The following DYNC1I1 variants were observed in gnomAD, a reference collection of about 807,000 sequenced individuals.
DYNC1I1 encodes dynein cytoplasmic 1 intermediate chain 1.
DYNC1I1 carries 43 observed loss-of-function variants against 86.6 expected under a neutral mutation model. The observed-to-expected ratio is 0.50, with a 90% CI of 0.39 to 0.64. DYNC1I1 has a LOEUF of 0.64. DYNC1I1 is among the 30% of genes least tolerant of loss of function. The pLI is 0.00. For missense variants in DYNC1I1, 604 were observed against 788.8 expected, an observed-to-expected ratio of 0.77 and a Z score of 2.81; for synonymous variants, 262 against 283.7, an observed-to-expected ratio of 0.92 and a Z score of 0.77.
chr7:96,078,328 A>G (rs182320462), intron 15 of DYNC1I1, among the ~76,000 whole-genome samples: 19 of 152,324 alleles, frequency 1.2e-4, no homozygotes, highest in Non-Finnish European at 1.9e-4. Context: ...AATATTTGTG[A>G]AACAAAGTAC....
At chr7:95,985,080 G>GA (rs1237676273) in intron 8 of DYNC1I1, 103 bp downstream of exon 8, 22 of 1,523,102 alleles carry the variant, frequency 1.4e-5, no homozygotes, top group Non-Finnish European at 1.8e-5. Context: ...GAAATCAGAG[G>GA]AGGGTGAAAT....
intron 4 of DYNC1I1, among the ~76,000 whole-genome samples, chr7:95,827,351 A>T (rs912668334): frequency 6.6e-6 from 1 of 152,208 alleles, no homozygotes; most frequent in Non-Finnish European, 1.5e-5. Context: ...TAGAAGAGCC[A>T]TTTATCCCCT....
chr7:96,019,847 C>A (rs188841021), intron 10 of DYNC1I1, among the ~76,000 whole-genome samples: 3 of 151,952 alleles, frequency 2.0e-5, no homozygotes, highest in Admixed American at 6.6e-5. Flanking sequence ...TCCTCTGGAC[C>A]ACTTACAGTG....
At chr7:96,022,023 A>AG (rs1254340943) in intron 10 of DYNC1I1, among the ~76,000 whole-genome samples, 1 of 152,172 alleles carries the variant, frequency 6.6e-6, no homozygotes, top group East Asian at 1.9e-4. Context: ...GTATATACCT[A>AG]GGAGTGGAAT....
intron 10 of DYNC1I1, among the ~76,000 whole-genome samples, chr7:95,999,546 T>C (rs1011111298): frequency 3.9e-5 from 6 of 152,152 alleles, no homozygotes; most frequent in African/African-American, 1.4e-4. Context: ...TGCTTCCCGT[T>C]AAGATTCTAT....
In DYNC1I1 at chr7:95,987,120, C is replaced by T; in HGVS notation, c.808C>T (p.His270Tyr). The T allele has an allele frequency of 1.2e-6, 2 of 1,613,962 alleles. No individual in the cohort carries two copies. The highest frequency in any genetic ancestry group is 8.5e-7 in the Non-Finnish European group (1 of 1,179,894). ...RQFYDEHWSK[H>Y]RVVTCMDWSL... ...GTTCTATGATGAACATTGGTCCAAG[C>T]ATCGAGTGGTCACTTGTATGGACTG... is the stretch of plus-strand genomic sequence containing the variant. The change falls in exon 9 of 17, where the codon CAT becomes TAT. Residue 270 changes from histidine to tyrosine, a missense_variant. His to Tyr is a moderately conservative substitution (Grantham distance 83). Transcript: ENST00000447467.
At chr7:95,874,037 A>G (rs985931389) in intron 6 of DYNC1I1, among the ~76,000 whole-genome samples, 1 of 152,230 alleles carries the variant, frequency 6.6e-6, no homozygotes, top group African/African-American at 2.4e-5. Flanking sequence ...TCAACCTGTC[A>G]TCTATTTCTT....
At chr7:96,102,802 G>A (rs949650883), downstream of DYNC1I1, among the ~76,000 whole-genome samples, 4 of 152,136 alleles carry the variant, frequency 2.6e-5, no homozygotes, top group African/African-American at 9.7e-5. Context: ...TGGCCCATGG[G>A]ATTCTACAGG....
At chr7:96,056,897 C>T (rs558356356) in intron 14 of DYNC1I1, among the ~76,000 whole-genome samples, 13 of 152,130 alleles carry the variant, frequency 8.5e-5, no homozygotes, top group African/African-American at 3.1e-4. Flanking sequence ...GGTTTTTAAC[C>T]AAGCATACCA....
Position 95,902,081 on chromosome 7 carries a change from AAATATTGGT to A in DYNC1I1, c.490+32085_490+32093del, listed in dbSNP as rs1178758480. On this transcript the variant is annotated intron_variant, in intron 6 of 16. Coordinates refer to ENST00000447467, the MANE Select transcript of DYNC1I1 (RefSeq NM_001135556.2). ...CTTTGTTTCTTTAGCTGCTGTCTGCAAATATTGGTATTTAAGGGCGGCTCTAAAGTGACC... is the reference window on the plus strand; with the variant it reads ...CTTTGTTTCTTTAGCTGCTGTCTGCAATTTAAGGGCGGCTCTAAAGTGACC... Among the ~76,000 whole-genome samples the A allele has an allele frequency of 1.5e-4, 23 of 152,302 alleles. 2 individuals carry two copies. In the East Asian group the frequency reaches 4.2e-3, roughly 28 times the overall value.
chr7:96,058,430 T>G (rs1305415331), intron 14 of DYNC1I1, among the ~76,000 whole-genome samples: 1 of 152,194 alleles, frequency 6.6e-6, no homozygotes, highest in Non-Finnish European at 1.5e-5. Flanking sequence ...TGAAGTTAGT[T>G]TCATGTAACT....
chr7:95,785,832 A>T (rs1291632611), intron 1 of DYNC1I1, among the ~76,000 whole-genome samples: 1 of 142,042 alleles, frequency 7.0e-6, no homozygotes, highest in Non-Finnish European at 1.5e-5. Flanking sequence ...ATATAACAGT[A>T]TGAGGAACAG....
At chr7:95,883,075 A>C (rs1304450275) in intron 6 of DYNC1I1, among the ~76,000 whole-genome samples, 1 of 152,196 alleles carries the variant, frequency 6.6e-6, no homozygotes, top group East Asian at 1.9e-4. Flanking sequence ...TTACTTGATC[A>C]ATTAGTTATG....
intron 10 of DYNC1I1, among the ~76,000 whole-genome samples, chr7:96,009,038 C>G (rs941182647): frequency 1.3e-5 from 2 of 151,808 alleles, no homozygotes; most frequent in South Asian, 2.1e-4. Context: ...ATCTATTTAT[C>G]TATCTGTTTA....
chr7:95,881,247 C>T (rs1281464501), intron 6 of DYNC1I1, among the ~76,000 whole-genome samples: 2 of 152,118 alleles, frequency 1.3e-5, no homozygotes, highest in African/African-American at 4.8e-5. Context: ...GCCCTGAAAT[C>T]CTTCCAATTC....
In DYNC1I1 at chr7:95,994,368, G is replaced by T. The variant is rs144794939; in HGVS notation, c.844-1580G>T. Among the ~76,000 whole-genome samples, 179 of 152,256 alleles carry T rather than the reference G, an allele frequency of 1.2e-3. 2 individuals carry two copies. In the Middle Eastern group the frequency reaches 0.014, roughly 12 times the overall value. Reference sequence around the variant, plus strand: ...ATGCATTTGACAAGGGCTTTAATTGGCAGGACAGACACATGATACAAAGGG... The same window carrying T: ...ATGCATTTGACAAGGGCTTTAATTGTCAGGACAGACACATGATACAAAGGG... On this transcript the variant is annotated intron_variant, in intron 9 of 16. Coordinates refer to ENST00000447467, the MANE Select transcript of DYNC1I1 (RefSeq NM_001135556.2).
chr7:96,007,380 A>G (rs1794166819), intron 10 of DYNC1I1, among the ~76,000 whole-genome samples: 1 of 152,254 alleles, frequency 6.6e-6, no homozygotes, highest in African/African-American at 2.4e-5. Context: ...AATGAATTCA[A>G]GCCATAAATA....
intron 10 of DYNC1I1, among the ~76,000 whole-genome samples, chr7:96,000,506 G>A (rs561019663): frequency 6.6e-6 from 1 of 152,262 alleles, no homozygotes; most frequent in East Asian, 1.9e-4. Flanking sequence ...CCACAACATT[G>A]CTACTTTGTG....
chr7:96,091,015 A>G (rs941241129), intron 16 of DYNC1I1, among the ~76,000 whole-genome samples: 1 of 152,056 alleles, frequency 6.6e-6, no homozygotes, highest in Non-Finnish European at 1.5e-5. Flanking sequence ...TTCATTGCAT[A>G]TTACCTCCCA....
Sources: gnomAD v4.1 joint callset for allele counts (sites outside exome capture counted in the v4.1 genomes callset) on GRCh38, gnomAD v4.1.1 for gene constraint, MANE v1.5 for transcripts, NCBI Gene and HGNC (gene_info 2026-07-23, HGNC 2026-07-21) for gene names.